Variants in RXRA observed in about 807,000 individuals in gnomAD.
The protein encoded by RXRA is retinoid X receptor alpha.
RXRA carries 5 observed loss-of-function variants against 44.5 expected under a neutral mutation model. The ratio of observed to expected loss-of-function variants is 0.11; its 90% CI spans 0.06 to 0.24. The LOEUF (loss-of-function observed/expected upper bound fraction) is 0.24, where lower values mean the gene tolerates loss of function less well. Ranked by LOEUF, RXRA falls within the 10% of genes least tolerant of loss-of-function variation. RXRA has a pLI of 1.00. For synonymous variants in RXRA, 291 were observed against 271.4 expected (o/e 1.07, Z -0.71); for missense variants, 412 against 646.5 (o/e 0.64, Z 3.93).
chr9:134,353,619 C>T (rs566077347), intron 1 of RXRA, among the ~76,000 whole-genome samples: 86 of 152,320 alleles, frequency 5.6e-4, no homozygotes, highest in African/African-American at 2.0e-3. Context: ...CCACAGCTAG[C>T]GGGGAGGACG....
rs1554749238 is a variant in RXRA at position 134,349,808 on chromosome 9, C to G, written c.28+23149C>G. Among the ~76,000 whole-genome samples the G allele has an allele frequency of 7.1e-5, 4 of 56,100 alleles. No homozygotes were observed. Among genetic ancestry groups the G allele is most frequent in the Non-Finnish European group, 1.3e-4 (4 of 30,792 alleles). The allele number at this position is 56,100 out of a possible 152,430, so 36.8% of individuals were successfully genotyped here. A position where few individuals can be genotyped will look rare whatever the true frequency, so the allele number is the denominator to read the frequency against. On this transcript the variant is annotated intron_variant, in intron 1 of 9. Transcript: ENST00000481739. The surrounding 1 kb of genome is among the most constrained non-coding windows in gnomAD (Gnocchi z 4.3). Reference sequence around the variant, plus strand: ...AAGGCTGCTTGGAGGAGGGGCAGAGCTGGGCTAGCTCGGGTGGGCGGGCGG... The same window carrying G: ...AAGGCTGCTTGGAGGAGGGGCAGAGGTGGGCTAGCTCGGGTGGGCGGGCGG...
chr9:134,333,877 G>T (rs1835045954), intron 1 of RXRA, among the ~76,000 whole-genome samples: 1 of 152,182 alleles, frequency 6.6e-6, no homozygotes, highest in Non-Finnish European at 1.5e-5. Context: ...CCTCTGCCGG[G>T]ACTCCCGCTG....
At position 134,342,992 on chromosome 9, in the gene RXRA, C is replaced by T. The variant is rs561142059; in HGVS notation, c.28+16333C>T. Among the ~76,000 whole-genome samples the T allele has an allele frequency of 5.9e-5, 9 of 152,248 alleles. No individual in the cohort carries two copies. In the East Asian group the frequency reaches 1.2e-3, roughly 20 times the overall value. Reference sequence around the variant, plus strand: ...AGGAAACCCAATCCCGCAGCCTAGGCAGTGGGGGGACCTCCTTCTAGAGAG... The same window carrying T: ...AGGAAACCCAATCCCGCAGCCTAGGTAGTGGGGGGACCTCCTTCTAGAGAG... On this transcript the variant is annotated intron_variant, in intron 1 of 9. Coordinates refer to ENST00000481739, the MANE Select transcript of RXRA (RefSeq NM_002957.6). The surrounding 1 kb of genome is among the most constrained non-coding windows in gnomAD (Gnocchi z 4.4).
intron 1 of RXRA, chr9:134,379,537 C>A: frequency 1.0e-6 from 1 of 985,966 alleles, no homozygotes; most frequent in South Asian, 4.7e-5. Flanking sequence ...GGCCGTGGCC[C>A]AGGGTCTTGG....
chr9:134,363,294 C>T (rs1205558958), intron 1 of RXRA, among the ~76,000 whole-genome samples: 2 of 152,236 alleles, frequency 1.3e-5, no homozygotes, highest in African/African-American at 4.8e-5. Context: ...TGTGGCAGGG[C>T]CGTCGGGCCT....
intron 1 of RXRA, among the ~76,000 whole-genome samples, chr9:134,345,247 C>G (rs1830136238): frequency 6.6e-6 from 1 of 152,222 alleles, no homozygotes; most frequent in Non-Finnish European, 1.5e-5. Flanking sequence ...CTGGTATTTG[C>G]ACAGCCCACG....
chr9:134,416,147 C>G (rs949595171), intron 4 of RXRA, among the ~76,000 whole-genome samples: 1 of 152,154 alleles, frequency 6.6e-6, no homozygotes, highest in Non-Finnish European at 1.5e-5. Context: ...GGGTCCTAGC[C>G]TGTCCCCCGG....
intron 1 of RXRA, among the ~76,000 whole-genome samples, chr9:134,395,994 G>A (rs966247439): frequency 6.6e-6 from 1 of 152,234 alleles, no homozygotes; most frequent in Non-Finnish European, 1.5e-5. Flanking sequence ...GCCTGCCCCT[G>A]CGGGGAGGCG....
intron 1 of RXRA, among the ~76,000 whole-genome samples, chr9:134,377,297 C>T (rs1178171285): frequency 1.3e-5 from 2 of 152,226 alleles, no homozygotes; most frequent in East Asian, 3.8e-4. Flanking sequence ...CCCTGGGCCA[C>T]ATGCTGTCCC....
At position 134,366,406 on chromosome 9, in the gene RXRA, C is replaced by T. The variant is rs1262380954; in HGVS notation, c.29-35226C>T. 6.6e-6 allele frequency among the ~76,000 whole-genome samples: 1 copy of T among 152,136 alleles called. No homozygotes were observed. Among genetic ancestry groups the T allele is most frequent in the Non-Finnish European group, 1.5e-5 (1 of 68,004 alleles). On this transcript the variant is annotated intron_variant, in intron 1 of 9. Transcript: ENST00000481739. The surrounding 1 kb of genome is among the most constrained non-coding windows in gnomAD (Gnocchi z 5.9). ...ACGGTTCCCAGCTTCCTCTGCAGGGCGGGGCTGCTCCAGTCTCTTACACCA... is the reference window on the plus strand; with the variant it reads ...ACGGTTCCCAGCTTCCTCTGCAGGGTGGGGCTGCTCCAGTCTCTTACACCA...
At chr9:134,409,619 C>A (rs907248624) in intron 4 of RXRA, among the ~76,000 whole-genome samples, 1 of 152,214 alleles carries the variant, frequency 6.6e-6, no homozygotes, top group Non-Finnish European at 1.5e-5. Flanking sequence ...CCAAAATTGT[C>A]AAGTCATCCA....
At chr9:134,427,559 G>A (rs921497842) in intron 6 of RXRA, among the ~76,000 whole-genome samples, 1 of 152,220 alleles carries the variant, frequency 6.6e-6, no homozygotes, top group African/African-American at 2.4e-5. Flanking sequence ...TCCCTGCCTG[G>A]TCTGTCAGCA....
At chr9:134,415,505 T>G (rs1831219001) in intron 4 of RXRA, among the ~76,000 whole-genome samples, 2 of 151,790 alleles carry the variant, frequency 1.3e-5, no homozygotes. Context: ...AGTCCATGGG[T>G]GGCTGGTGCC....
chr9:134,352,165 C>T (rs966872607), intron 1 of RXRA, among the ~76,000 whole-genome samples: 2 of 152,094 alleles, frequency 1.3e-5, no homozygotes, highest in Non-Finnish European at 2.9e-5. Flanking sequence ...GATGACAGCG[C>T]GGCCCAGGAG....
intron 7 of RXRA, among the ~76,000 whole-genome samples, chr9:134,430,274 G>A (rs1179702731): frequency 6.6e-6 from 1 of 152,234 alleles, no homozygotes; most frequent in Non-Finnish European, 1.5e-5. Context: ...CAGCTGGAGC[G>A]GGAAGGCTGG....
intron 1 of RXRA, among the ~76,000 whole-genome samples, chr9:134,392,978 C>T (rs1007645453): frequency 3.3e-5 from 5 of 151,626 alleles, no homozygotes; most frequent in African/African-American, 9.7e-5. Context: ...CCTGCCTGCT[C>T]GTCCCTGTTA....
At chr9:134,387,162 C>T (rs944645208) in intron 1 of RXRA, among the ~76,000 whole-genome samples, 2 of 152,222 alleles carry the variant, frequency 1.3e-5, no homozygotes, top group Non-Finnish European at 2.9e-5. Flanking sequence ...GTCCCCACAC[C>T]CATCCTGCTG....
At position 134,422,409 on chromosome 9, in the gene RXRA, C is replaced by A. The variant is rs193106491; in HGVS notation, c.910+604C>A. ...CCCGGGACACTCCCCCGTCCCGTGA[C>A]ATTCCACTCTCCCTGGACGCTCCCC... On this transcript the variant is annotated intron_variant, in intron 6 of 9. Coordinates refer to ENST00000481739, the MANE Select transcript of RXRA (RefSeq NM_002957.6). 3.7e-4 allele frequency: 475 copies of A among 1,276,482 alleles called. 1 individual carries two copies. In the African/African-American group the frequency reaches 4.6e-3, roughly 12 times the overall value. 79.1% of individuals were successfully genotyped at this position (1,276,482 alleles called of 1,614,324 possible).
intron 6 of RXRA, chr9:134,422,105 C>T: frequency 7.5e-7 from 1 of 1,334,608 alleles, no homozygotes; most frequent in Non-Finnish European, 9.8e-7. Context: ...ACTCCTGGGA[C>T]ACACTTCTAC....
Sources: allele counts gnomAD v4.1 joint callset (sites outside exome capture counted in the v4.1 genomes callset), GRCh38; gene constraint gnomAD v4.1.1; non-coding constraint Gnocchi (gnomAD v3.1); transcripts MANE v1.5; gene names NCBI Gene and HGNC (gene_info 2026-07-23, HGNC 2026-07-21).